Variants in TENM2 observed in about 807,000 individuals in gnomAD.
TENM2 encodes the protein teneurin-2.
In TENM2, 52 loss-of-function variants were observed where a neutral mutation model predicts 245.2. The observed-to-expected ratio is 0.21, with a 90% CI of 0.17 to 0.27. The LOEUF is 0.27. Among genes scored for constraint, TENM2 ranks in the 10% least tolerant of loss-of-function variants. The probability of loss-of-function intolerance (pLI) is 1.00; values close to 1 mark genes in which losing one functional copy is unlikely to be tolerated. For missense variants in TENM2, 3,046 were observed against 3,666.8 expected, an observed-to-expected ratio of 0.83 and a Z score of 4.37; for synonymous variants, 1,363 against 1,438.9, an observed-to-expected ratio of 0.95 and a Z score of 1.19.
intron 2 of TENM2, among the ~76,000 whole-genome samples, chr5:167,872,934 A>G (rs1405955503): frequency 1.3e-5 from 2 of 152,296 alleles, no homozygotes; most frequent in Non-Finnish European, 2.9e-5. Flanking sequence ...CTTGAACTTC[A>G]GTTCCACCTC....
chr5:166,988,658 A>C, the TENM2 span, among the ~76,000 whole-genome samples: 2 of 152,242 alleles, frequency 1.3e-5, no homozygotes, highest in Non-Finnish European at 2.9e-5. Context: ...TATTGAGAAT[A>C]ACAGAGTCAC....
intron 2 of TENM2, among the ~76,000 whole-genome samples, chr5:167,810,033 T>G (rs1296224862): frequency 2.0e-5 from 3 of 152,088 alleles, no homozygotes; most frequent in African/African-American, 4.8e-5. Context: ...GTTAGATCTT[T>G]AAGGAAATAA....
At chr5:167,442,783 A>G (rs1216581087) in intron 2 of TENM2, among the ~76,000 whole-genome samples, 2 of 152,170 alleles carry the variant, frequency 1.3e-5, no homozygotes, top group African/African-American at 2.4e-5. Flanking sequence ...TTCATTCAGT[A>G]GGTTAAAAAA....
At chr5:167,279,093 A>C in the TENM2 span, among the ~76,000 whole-genome samples, 1 of 152,168 alleles carries the variant, frequency 6.6e-6, no homozygotes, top group Non-Finnish European at 1.5e-5. Context: ...TACTTGAAAA[A>C]TGTTTGCTAC....
chr5:168,119,562 A>G (rs1392805290), intron 10 of TENM2, among the ~76,000 whole-genome samples: 1 of 152,152 alleles, frequency 6.6e-6, no homozygotes, highest in Non-Finnish European at 1.5e-5. Flanking sequence ...TTGCCATTTG[A>G]TTACTTGTCA....
chr5:167,344,929 G>A (rs762694737), intron 1 of TENM2, among the ~76,000 whole-genome samples: 3 of 152,122 alleles, frequency 2.0e-5, no homozygotes, highest in Non-Finnish European at 4.4e-5. Context: ...ATCAGCCTTT[G>A]TCTTCCTGGT....
intron 7 of TENM2, among the ~76,000 whole-genome samples, chr5:168,065,827 G>A (rs1463117596): frequency 6.8e-6 from 1 of 147,812 alleles, no homozygotes; most frequent in Admixed American, 6.7e-5. Context: ...AAAGAACCTA[G>A]AATAATGGTA....
intron 2 of TENM2, among the ~76,000 whole-genome samples, chr5:167,582,905 A>G (rs924880496): frequency 6.6e-6 from 1 of 152,182 alleles, no homozygotes; most frequent in Admixed American, 6.5e-5. Flanking sequence ...TATACGTTGT[A>G]ATTTTATTTG....
chr5:167,611,578 T>C (rs1005858248), intron 2 of TENM2, among the ~76,000 whole-genome samples: 4 of 152,164 alleles, frequency 2.6e-5, no homozygotes, highest in Non-Finnish European at 5.9e-5. Context: ...AGTTAGAGGA[T>C]ATTTAACAGG....
At chr5:167,334,137 G>T (rs1757620905) in intron 1 of TENM2, among the ~76,000 whole-genome samples, 1 of 152,008 alleles carries the variant, frequency 6.6e-6, no homozygotes, top group Admixed American at 6.6e-5. Flanking sequence ...TGATAATGCA[G>T]AATACTTTCA....
At chr5:167,796,857 C>G (rs116562522) in intron 2 of TENM2, among the ~76,000 whole-genome samples, 2,230 of 152,188 alleles carry the variant, frequency 0.015, 60 homozygotes, top group African/African-American at 0.051. Flanking sequence ...TTCTCTCTAG[C>G]TGGCTTTCAA....
chr5:168,243,065 C>G (rs1407986317), intron 25 of TENM2, among the ~76,000 whole-genome samples: 4 of 152,192 alleles, frequency 2.6e-5, no homozygotes, highest in African/African-American at 9.7e-5. Flanking sequence ...TACCAGACAT[C>G]TCTCGAGTCT....
At chr5:168,050,547 A>C (rs980216958) in intron 6 of TENM2, among the ~76,000 whole-genome samples, 1 of 152,228 alleles carries the variant, frequency 6.6e-6, no homozygotes. Flanking sequence ...CACATTGCCA[A>C]GGAGGATAAT....
the TENM2 span, among the ~76,000 whole-genome samples, chr5:167,134,026 C>A: frequency 6.6e-6 from 1 of 152,154 alleles, no homozygotes; most frequent in Non-Finnish European, 1.5e-5. Flanking sequence ...CTATGATCTT[C>A]TGCAGAAATG....
chr5:167,380,852 C>G lies in TENM2; in HGVS notation c.502+5379C>G, dbSNP rs866369930. 2.0e-5 allele frequency among the ~76,000 whole-genome samples: 3 copies of G among 152,116 alleles called. No homozygotes were observed. The South Asian group carries it at 6.2e-4, about 31-fold the overall frequency. ...GTTTTTGTCTGTTCACGATTGGAAG[C>G]CTCTTCAGTCAGAAAACTCTTTTTT... On this transcript the variant is annotated intron_variant, in intron 2 of 28. Coordinates refer to ENST00000518659, the Ensembl canonical transcript of TENM2.
intron 2 of TENM2, among the ~76,000 whole-genome samples, chr5:167,825,916 C>T (rs1012198149): frequency 6.6e-6 from 1 of 151,866 alleles, no homozygotes; most frequent in African/African-American, 2.4e-5. Context: ...AACCCATCTC[C>T]ACAGACCATT....
intron 3 of TENM2, among the ~76,000 whole-genome samples, chr5:167,903,906 T>G (rs1775897399): frequency 1.3e-5 from 2 of 152,164 alleles, no homozygotes. Flanking sequence ...TAAAATGGGA[T>G]GTGGTGTGCT....
chr5:168,091,032 C>T (rs1290886725), intron 8 of TENM2, among the ~76,000 whole-genome samples: 8 of 152,138 alleles, frequency 5.3e-5, no homozygotes, highest in Non-Finnish European at 1.2e-4. Flanking sequence ...CCTGACCACA[C>T]TACCTAAGCA....
chr5:167,554,065 T>C (rs1188223613), intron 2 of TENM2, among the ~76,000 whole-genome samples: 3 of 152,220 alleles, frequency 2.0e-5, no homozygotes, highest in Non-Finnish European at 2.9e-5. Context: ...GATCATTCTA[T>C]AGGCTTTCCC....
Sources: gnomAD v4.1 joint callset for allele counts (sites outside exome capture counted in the v4.1 genomes callset) on GRCh38, gnomAD v4.1.1 for gene constraint, MANE v1.5 for transcripts, NCBI Gene and HGNC (gene_info 2026-07-23, HGNC 2026-07-21) for gene names.